ZFP69: variants seen among roughly 807,000 people sequenced by gnomAD.
ZFP69 encodes zinc finger protein 69 homolog.
In ZFP69, 35 loss-of-function variants were observed where a neutral mutation model predicts 48.9. The ratio of observed to expected loss-of-function variants is 0.72; its 90% CI spans 0.55 to 0.95. The LOEUF (loss-of-function observed/expected upper bound fraction) is 0.95. Ranked by LOEUF, ZFP69 falls within the 40% of genes least tolerant of loss-of-function variation. The pLI, the probability that ZFP69 is intolerant of heterozygous loss-of-function variation, is 0.00. For missense variants in ZFP69, 557 were observed against 638.4 expected (o/e 0.87, Z 1.37); for synonymous variants, 193 against 216.8 (o/e 0.89, Z 0.96).
Position 40,496,161 on chromosome 1 carries a change from C to A in ZFP69, c.*102C>A. ...ATATGAGGAATTGATGTAATGATGC[C>A]AACTTTTAATTTTTCCCATTGTAAA... On this transcript the variant is annotated 3_prime_UTR_variant, in exon 6 of 6. Coordinates refer to ENST00000372706, the MANE Select transcript of ZFP69 (RefSeq NM_001320179.2). 8.1e-7 allele frequency: 1 copy of A among 1,236,100 alleles called. No homozygotes were observed. The highest frequency in any genetic ancestry group is 1.1e-6 in the Non-Finnish European group (1 of 902,328). 76.6% of individuals were successfully genotyped at this position (1,236,100 alleles called of 1,614,324 possible).
chr1:40,492,389 T>TTTATATGTTTTATATG (rs772740488), intron 5 of ZFP69, among the ~76,000 whole-genome samples: 15 of 152,200 alleles, frequency 9.9e-5, no homozygotes, highest in Non-Finnish European at 1.9e-4. Flanking sequence ...CTGTCAAGTT[T>TTTATATGTTTTATATG]CTTTATATGT....
intron 5 of ZFP69, among the ~76,000 whole-genome samples, chr1:40,491,763 ATGTG>A (rs1553129549): frequency 0.023 from 2,940 of 129,422 alleles, 96 homozygotes; most frequent in African/African-American, 0.08. Context: ...GTGTGTGTGT[ATGTG>A]TGTGTGTGTG....
At chr1:40,489,663 A>G in intron 5 of ZFP69, 39 bp downstream of exon 5, 2 of 1,432,130 alleles carry the variant, frequency 1.4e-6, no homozygotes, top group South Asian at 2.5e-5. Context: ...GTGTTGCTAT[A>G]AAGGAATACC....
chr1:40,492,212 T>C (rs1224788038), intron 5 of ZFP69, among the ~76,000 whole-genome samples: 1 of 152,186 alleles, frequency 6.6e-6, no homozygotes, highest in Admixed American at 6.5e-5. Flanking sequence ...ATCATACATA[T>C]ATGTTTTTAC....
chr1:40,494,310 C>T (rs1645601517), intron 5 of ZFP69, among the ~76,000 whole-genome samples: 1 of 126,080 alleles, frequency 7.9e-6, no homozygotes, highest in Non-Finnish European at 1.6e-5. Context: ...GCTCTGTCGC[C>T]CAGGCTGGAG....
At chr1:40,480,466 T>C (rs572665456) in intron 2 of ZFP69, among the ~76,000 whole-genome samples, 2 of 147,442 alleles carry the variant, frequency 1.4e-5, no homozygotes, top group African/African-American at 5.0e-5. Flanking sequence ...TTGATAGCAG[T>C]TTTTTTTTTA....
At chr1:40,483,943 G>A (rs760983340) in intron 3 of ZFP69, among the ~76,000 whole-genome samples, 1 of 152,092 alleles carries the variant, frequency 6.6e-6, no homozygotes, top group Non-Finnish European at 1.5e-5. Flanking sequence ...GGACGTGGTG[G>A]TGTGTGCCTG....
chr1:40,494,613 AT>A (rs1317931055), intron 5 of ZFP69, among the ~76,000 whole-genome samples: 1 of 146,686 alleles, frequency 6.8e-6, no homozygotes, highest in Non-Finnish European at 1.5e-5. Flanking sequence ...ATTTATAAAT[AT>A]TTTATATATA....
chr1:40,495,602 G>C lies in ZFP69; in HGVS notation c.1124G>C (p.Arg375Thr), dbSNP rs1645623889. 6 of 1,614,204 alleles carry C rather than the reference G, an allele frequency of 3.7e-6. No homozygotes were observed. The East Asian group carries it at 1.3e-4, about 36-fold the overall frequency. ...SQNISLVQHL[R>T]THSGEKPFTC... ...AACATTAGCTTGGTTCAACATTTGA[G>C]GACTCATTCTGGAGAGAAACCTTTT... The change falls in exon 6 of 6, where the codon AGG (arginine) becomes ACG (threonine). Residue 375 changes from arginine (R) to threonine (T), a missense_variant. Arg to Thr is a moderately conservative substitution (Grantham distance 71, BLOSUM62 -1). Transcript: ENST00000372706.
chr1:40,482,062 T>C (rs1415211490), intron 3 of ZFP69, among the ~76,000 whole-genome samples: 1 of 151,236 alleles, frequency 6.6e-6, no homozygotes, highest in Non-Finnish European at 1.5e-5. Flanking sequence ...TCTCCCTCCA[T>C]GTCACTCTTG....
chr1:40,496,023 A>G lies in ZFP69; in HGVS notation c.1545A>G (p.Glu515=). The G allele has an allele frequency of 4.3e-6, 7 of 1,609,436 alleles. No individual in the cohort carries two copies. The highest frequency in any genetic ancestry group is 5.9e-6 in the Non-Finnish European group (7 of 1,177,956). Residue 515 remains glutamate, a synonymous_variant, in exon 6 of 6, where the codon GAA becomes GAG. Transcript: ENST00000372706. ...SYNSSLSRHH[E]IHRRNAFRNK... is the part of the protein sequence containing the mutation. ...ACTCTTCACTTAGTCGACATCATGA[A>G]ATACACAGGAGGAACGCCTTCCGAA...
In ZFP69 at chr1:40,477,860, C is replaced by T. The variant is rs376712359; in HGVS notation, c.-361C>T. The T allele has an allele frequency of 1.3e-5, 2 of 152,496 alleles. No individual in the cohort carries two copies. The highest frequency in any genetic ancestry group is 3.9e-4 in the East Asian group (2 of 5,194). The allele number at this position is 152,496 out of a possible 1,614,324, so 9.4% of individuals were successfully genotyped here. On this transcript the variant is annotated 5_prime_UTR_variant, in exon 1 of 6. Transcript: ENST00000372706. This position sits in a 1 kb window ranked among gnomAD's most constrained non-coding sequence, Gnocchi z 4.0. The stretch of plus-strand genomic sequence containing the variant: ...TCAAGAGTGAGCACTCCCACGCCCC[C>T]GTCTCTGGTCCTACCTGGGTCCAAG...
intron 5 of ZFP69, among the ~76,000 whole-genome samples, chr1:40,491,796 TATATTCATTCTAGTATAATTATAC>T (rs1645572382): frequency 6.6e-6 from 1 of 151,500 alleles, no homozygotes; most frequent in Admixed American, 6.6e-5. Flanking sequence ...TATATATATA[TATATTCATTCTAGTATAATTATAC>T]ATATATTCAT....
intron 3 of ZFP69, 62 bp from the exon 4 acceptor site, chr1:40,489,026 G>T: frequency 6.2e-7 from 1 of 1,604,346 alleles, no homozygotes; most frequent in South Asian, 1.1e-5. Context: ...AATACTGTCA[G>T]AACTCCTTGG....
chr1:40,495,076 A>G lies in ZFP69; in HGVS notation c.598A>G (p.Arg200Gly). ...CTCCACATATGATGATGTCTTAGAA[A>G]GGCACCAGGAAACTTGTATGAGAGA... ...KVSTYDDVLE[R>G]HQETCMRDVR... Residue 200 changes from arginine (R) to glycine (G), a missense_variant, in exon 6 of 6, where the codon AGG (arginine) becomes GGG (glycine). Transcript: ENST00000372706. The G allele has an allele frequency of 6.2e-7, 1 of 1,614,078 alleles. No individual in the cohort carries two copies. Among genetic ancestry groups the G allele is most frequent in the South Asian group, 1.1e-5 (1 of 91,082 alleles).
intron 5 of ZFP69, among the ~76,000 whole-genome samples, chr1:40,492,885 T>G (rs927200547): frequency 2.6e-5 from 4 of 152,204 alleles, no homozygotes; most frequent in African/African-American, 9.6e-5. Flanking sequence ...TTTTTTCCTT[T>G]TCTTTTCCCT....
At chr1:40,494,782 T>C (rs1645611177) in intron 5 of ZFP69, 139 bp from the exon 6 acceptor site, 4 of 530,482 alleles carry the variant, frequency 7.5e-6, no homozygotes, top group Non-Finnish European at 1.2e-5. Flanking sequence ...TTAATTTCCT[T>C]TCCCATTACC....
intron 3 of ZFP69, among the ~76,000 whole-genome samples, chr1:40,488,659 C>T (rs1209491183): frequency 6.6e-6 from 1 of 152,214 alleles, no homozygotes; most frequent in Non-Finnish European, 1.5e-5. Flanking sequence ...GTCCTTTGCA[C>T]CTGCCCAGGA....
At chr1:40,489,706 T>A in intron 5 of ZFP69, 82 bp downstream of exon 5, 1 of 974,536 alleles carries the variant, frequency 1.0e-6, no homozygotes, top group Non-Finnish European at 1.5e-6. Context: ...AAAAGAAGTT[T>A]AATTGGCTAA....
Sources: gnomAD v4.1 joint callset for allele counts (sites outside exome capture counted in the v4.1 genomes callset) on GRCh38, gnomAD v4.1.1 for gene constraint, Gnocchi (gnomAD v3.1) non-coding constraint, MANE v1.5 for transcripts, NCBI Gene and HGNC (gene_info 2026-07-23, HGNC 2026-07-21) for gene names.